Variants in THADA observed in about 807,000 individuals in gnomAD.
THADA encodes the protein THADA armadillo repeat containing.
Under a neutral mutation model 219.8 loss-of-function variants are expected in THADA, and 213 were observed. The ratio of observed to expected loss-of-function variants is 0.97; its 90% CI spans 0.87 to 1.09. The LOEUF (loss-of-function observed/expected upper bound fraction) is 1.09, where lower values mean the gene tolerates loss of function less well. Among genes scored for constraint, THADA ranks in the 50% least tolerant of loss-of-function variants. The pLI is 0.00. For missense variants in THADA, 2,956 were observed against 2,311.3 expected (o/e 1.28, Z -5.72); for synonymous variants, 1,018 against 828.9 (o/e 1.23, Z -3.92).
At chr2:43,484,159 C>T (rs1468699893) in intron 26 of THADA, 2 of 154,942 alleles carry the variant, frequency 1.3e-5, no homozygotes, top group African/African-American at 2.4e-5. Context: ...TACTTACAGC[C>T]AGTTACCTTC....
chr2:43,591,125 C>G (rs771753802), intron 3 of THADA, among the ~76,000 whole-genome samples, 171 bp from the exon 4 acceptor site: 17 of 152,148 alleles, frequency 1.1e-4, no homozygotes, highest in African/African-American at 4.1e-4. Flanking sequence ...GAGTTCGAGA[C>G]AAGCTCGGGC....
rs1701104925 is a variant in THADA at position 43,587,062 on chromosome 2, A to T, written c.303-60T>A. 3 of 1,512,608 alleles carry T rather than the reference A, an allele frequency of 2.0e-6. No homozygotes were observed. In the African/African-American group the frequency reaches 4.1e-5, roughly 21 times the overall value. The allele number at this position is 1,512,608 out of a possible 1,614,324, so 93.7% of individuals were successfully genotyped here. A position where few individuals can be genotyped will look rare whatever the true frequency, so the allele number is the denominator to read the frequency against. On this transcript the variant is annotated intron_variant, in intron 4 of 37. Transcript: ENST00000405975. The stretch of plus-strand genomic sequence containing the variant: ...TCTAATAGCCCCAGAATATGTGGAG[A>T]GGGAAGAGAATCATACAAATGTGGG...
chr2:43,350,800 T>C (rs1668166735), intron 29 of THADA, among the ~76,000 whole-genome samples: 2 of 152,250 alleles, frequency 1.3e-5, no homozygotes, highest in African/African-American at 4.8e-5. Context: ...CTTCAACCTG[T>C]TTATTGGGTA....
chr2:43,557,535 T>C (rs1697523628), intron 16 of THADA, among the ~76,000 whole-genome samples: 1 of 152,180 alleles, frequency 6.6e-6, no homozygotes, highest in African/African-American at 2.4e-5. Context: ...CCTCAGAAAT[T>C]ATGCATCAGA....
At chr2:43,398,707 T>G (rs1277261611) in intron 28 of THADA, among the ~76,000 whole-genome samples, 2 of 152,152 alleles carry the variant, frequency 1.3e-5, no homozygotes, top group Non-Finnish European at 2.9e-5. Context: ...AGGGGCAAAG[T>G]GGTATAAAGC....
At chr2:43,529,673 A>G (rs1160277869) in intron 21 of THADA, among the ~76,000 whole-genome samples, 1 of 152,230 alleles carries the variant, frequency 6.6e-6, no homozygotes, top group African/African-American at 2.4e-5. Context: ...CCAAAGCTGT[A>G]ACCAGCTATC....
chr2:43,520,711 TATAC>T (rs775744950), intron 22 of THADA, among the ~76,000 whole-genome samples: 1,747 of 131,324 alleles, frequency 0.013, 13 homozygotes, highest in African/African-American at 0.019. Flanking sequence ...CGTATATATA[TATAC>T]ACACACACAC....
In THADA at chr2:43,401,301, CAG is replaced by C. The variant is rs2104727299; in HGVS notation, c.4059-3164_4059-3163del. 1.3e-5 allele frequency among the ~76,000 whole-genome samples: 2 copies of C among 152,254 alleles called. 1 individual carries two copies. Among genetic ancestry groups the C allele is most frequent in the Admixed American group, 1.3e-4 (2 of 15,302 alleles). On this transcript the variant is annotated intron_variant, in intron 28 of 37. Coordinates refer to ENST00000405975, the MANE Select transcript of THADA (RefSeq NM_022065.5). The stretch of plus-strand genomic sequence containing the variant: ...CATGACACTTTTTCTTTTTTTGAGA[CAG>C]AGTCTCGCTCTGTCACCCAGGCTGG...
rs546146358 is a variant in THADA at position 43,264,913 on chromosome 2, A to C, written c.5296+14852T>G. On this transcript the variant is annotated intron_variant, in intron 36 of 37. Transcript: ENST00000405975. ...AAACAAATGAACCCACTTTGCTGGC[A>C]CTGTTTTTCCCTAAGTACCGTGCTG... 8.3e-4 allele frequency among the ~76,000 whole-genome samples: 127 copies of C among 152,336 alleles called. 1 individual carries two copies. Among genetic ancestry groups the C allele is most frequent in the African/African-American group, 2.9e-3 (120 of 41,570 alleles).
intron 31 of THADA, among the ~76,000 whole-genome samples, chr2:43,312,459 CTCTAAACTAAA>C (rs1677624430): frequency 6.6e-6 from 1 of 152,166 alleles, no homozygotes; most frequent in South Asian, 2.1e-4. Context: ...TTGCTATGAT[CTCTAAACTAAA>C]TTTCTAAAGA....
chr2:43,456,149 A>G (rs533676753), intron 26 of THADA, among the ~76,000 whole-genome samples: 1 of 152,332 alleles, frequency 6.6e-6, no homozygotes, highest in East Asian at 1.9e-4. Flanking sequence ...AGTAGTCTTA[A>G]AAATGTGCAA....
chr2:43,340,436 A>T (rs73923579), intron 30 of THADA, among the ~76,000 whole-genome samples: 1 of 152,232 alleles, frequency 6.6e-6, no homozygotes, highest in African/African-American at 2.4e-5. Context: ...TTTCAGAGTC[A>T]AAATTTAAAG....
At position 43,586,852 on chromosome 2, in the gene THADA, A is replaced by G; in HGVS notation, c.451+2T>C. On this transcript the variant is annotated splice_donor_variant, in intron 5 of 37. Coordinates refer to ENST00000405975, the MANE Select transcript of THADA (RefSeq NM_022065.5). LOFTEE classifies it high-confidence loss of function. ...AAAAGGACTAGAAAAGTGCAGCCTT[A>G]CCCAAGTTAAAGTTCTCCATACAGG... 3 of 1,613,704 alleles carry G rather than the reference A, an allele frequency of 1.9e-6. No individual in the cohort carries two copies. Among genetic ancestry groups the G allele is most frequent in the Non-Finnish European group, 1.7e-6 (2 of 1,179,754 alleles).
intron 36 of THADA, among the ~76,000 whole-genome samples, chr2:43,271,411 T>C (rs978318305): frequency 1.3e-5 from 2 of 152,126 alleles, no homozygotes; most frequent in Non-Finnish European, 2.9e-5. Context: ...TTTCATAACA[T>C]AAAATCCAAA....
Position 43,431,128 on chromosome 2 carries a change from G to A in THADA, c.3837-826C>T, listed in dbSNP as rs146465140. 4.5e-3 allele frequency among the ~76,000 whole-genome samples: 680 copies of A among 152,234 alleles called. 4 individuals carry two copies. The highest frequency in any genetic ancestry group is 0.016 in the African/African-American group (648 of 41,536). On this transcript the variant is annotated intron_variant, in intron 26 of 37. Transcript: ENST00000405975. ...TCCATAACTATTAAAGAATTACTCC[G>A]AAGGGGTGACATAAATATTCCCTAA...
At chr2:43,273,191 G>A (rs1057233340) in intron 36 of THADA, among the ~76,000 whole-genome samples, 1 of 151,696 alleles carries the variant, frequency 6.6e-6, no homozygotes, top group African/African-American at 2.4e-5. Flanking sequence ...GGAGGTTGCA[G>A]TGAGCCGAGA....
chr2:43,549,430 G>C (rs563817779), intron 19 of THADA, 62 bp from the exon 20 acceptor site: 1 of 1,491,454 alleles, frequency 6.7e-7, no homozygotes, highest in Admixed American at 2.8e-5. Flanking sequence ...GATTTCCCTT[G>C]GGGATGCTTA....
intron 29 of THADA, among the ~76,000 whole-genome samples, chr2:43,379,868 A>G (rs1671793315): frequency 1.3e-5 from 2 of 152,240 alleles, no homozygotes; most frequent in Admixed American, 6.5e-5. Context: ...AATAAAAAGA[A>G]GCTGTGGCTT....
In THADA at chr2:43,400,457, T is replaced by TTATA. The variant is rs539798216; in HGVS notation, c.4059-2322_4059-2319dup. ...TGGAAAGATTAGATCATAGACAAAT[T>TTATA]TATATATATATATATATATAAATAT... On this transcript the variant is annotated intron_variant, in intron 28 of 37. Transcript: ENST00000405975. 1.6e-3 allele frequency among the ~76,000 whole-genome samples: 142 copies of TTATA among 89,916 alleles called. 3 individuals are homozygous for TTATA. In the Middle Eastern group the frequency reaches 0.019, roughly 12 times the overall value. 59.0% of individuals were successfully genotyped at this position (89,916 alleles called of 152,430 possible). A position where few individuals can be genotyped will look rare whatever the true frequency, so the allele number is the denominator to read the frequency against.
Sources: gnomAD v4.1 joint callset for allele counts (sites outside exome capture counted in the v4.1 genomes callset) on GRCh38, gnomAD v4.1.1 for gene constraint, MANE v1.5 for transcripts, NCBI Gene and HGNC (gene_info 2026-07-23, HGNC 2026-07-21) for gene names.